SH3BP4: variants seen among roughly 807,000 people sequenced by gnomAD.
SH3BP4 encodes SH3 domain binding protein 4.
SH3BP4 carries 33 observed loss-of-function variants against 65.5 expected under a neutral mutation model. The ratio of observed to expected loss-of-function variants is 0.50; its 90% CI spans 0.38 to 0.67. The LOEUF is 0.67. Ranked by LOEUF, SH3BP4 falls within the 30% of genes least tolerant of loss-of-function variation. The probability of loss-of-function intolerance (pLI) is 0.00; values close to 1 mark genes in which losing one functional copy is unlikely to be tolerated. For synonymous variants in SH3BP4, 552 were observed against 545.5 expected, an observed-to-expected ratio of 1.01 and a Z score of -0.17; for missense variants, 1,134 against 1,261.4, an observed-to-expected ratio of 0.90 and a Z score of 1.53.
chr2:235,001,363 T>G (rs1171847866), intron 2 of SH3BP4, among the ~76,000 whole-genome samples: 1 of 152,168 alleles, frequency 6.6e-6, no homozygotes, highest in African/African-American at 2.4e-5. Flanking sequence ...GTTAACAACC[T>G]CTGAGCTGGA....
At chr2:235,021,877 G>T (rs867888831) in intron 2 of SH3BP4, among the ~76,000 whole-genome samples, 47 of 152,284 alleles carry the variant, frequency 3.1e-4, no homozygotes, top group Admixed American at 8.5e-4. Flanking sequence ...ACATGAGTCA[G>T]AAGGGGACAA....
intron 1 of SH3BP4, chr2:234,953,296 C>T (rs1692517901): frequency 6.6e-6 from 1 of 152,256 alleles, no homozygotes. Context: ...TTTTACCAGC[C>T]TTGTCACAGC....
intron 2 of SH3BP4, among the ~76,000 whole-genome samples, chr2:235,029,812 G>A (rs1313695647): frequency 2.0e-5 from 3 of 152,180 alleles, no homozygotes; most frequent in East Asian, 1.9e-4. Flanking sequence ...GCTCTGGGCC[G>A]TGGGCTCTGG....
chr2:235,002,147 C>T (rs1470016091), intron 2 of SH3BP4, among the ~76,000 whole-genome samples: 1 of 152,180 alleles, frequency 6.6e-6, no homozygotes, highest in Non-Finnish European at 1.5e-5. Flanking sequence ...CAGGTGTGAG[C>T]CACCATGCTG....
In SH3BP4 at chr2:235,041,748, G is replaced by A. The variant is rs777420999; in HGVS notation, c.979G>A (p.Gly327Arg). 12 of 1,606,884 alleles carry A rather than the reference G, an allele frequency of 7.5e-6. No homozygotes were observed. Among genetic ancestry groups the A allele is most frequent in the East Asian group, 2.2e-5 (1 of 44,716 alleles). The change falls in exon 4 of 6, where the codon GGG becomes AGG. Residue 327 changes from glycine (G) to arginine (R), a missense_variant. Coordinates refer to ENST00000392011, the MANE Select transcript of SH3BP4 (RefSeq NM_014521.3). The surrounding 1 kb of genome is among the most constrained non-coding windows in gnomAD (Gnocchi z 6.0). Reference protein sequence around the residue: ...TNIVCKLDSSGGAVQLPDTSI... With the variant: ...TNIVCKLDSSRGAVQLPDTSI... ...CATCGTGTGCAAGCTGGATAGCTCCGGGGGTGCTGTCCAGCTTCCTGACAC... is the reference window on the plus strand; with the variant it reads ...CATCGTGTGCAAGCTGGATAGCTCCAGGGGTGCTGTCCAGCTTCCTGACAC...
Position 234,962,304 on chromosome 2 carries a change from T to C in SH3BP4, c.-207+10134T>C, listed in dbSNP as rs1574773422. ...GGTGCATGCCACCACGCTCGGGTAA[T>C]TTTTGTATTTGTAGTAGAGATGGGG... On this transcript the variant is annotated intron_variant, in intron 1 of 5. Transcript: ENST00000392011. Among the ~76,000 whole-genome samples the C allele has an allele frequency of 5.3e-5, 8 of 151,980 alleles. 2 individuals carry two copies. The highest frequency in any genetic ancestry group is 5.2e-4 in the Admixed American group (8 of 15,274).
rs1438546366 is a variant in SH3BP4, at chr2:235,054,048, T to C, written c.*232T>C. The C allele has an allele frequency of 8.5e-6, 4 of 469,024 alleles. No individual in the cohort carries two copies. The highest frequency in any genetic ancestry group is 1.5e-5 in the Non-Finnish European group (4 of 264,646). The allele number at this position is 469,024 out of a possible 1,614,324, so 29.1% of individuals were successfully genotyped here. On this transcript the variant is annotated 3_prime_UTR_variant, in exon 6 of 6. Coordinates refer to ENST00000392011, the MANE Select transcript of SH3BP4 (RefSeq NM_014521.3). ...CACATAGCTTTCTATTTGTTAAGTATAAATTTAAATTTAAAATCACTTTTT... is the reference window on the plus strand; with the variant it reads ...CACATAGCTTTCTATTTGTTAAGTACAAATTTAAATTTAAAATCACTTTTT...
At chr2:235,029,597 G>A (rs1695112756) in intron 2 of SH3BP4, among the ~76,000 whole-genome samples, 1 of 149,848 alleles carries the variant, frequency 6.7e-6, no homozygotes, top group African/African-American at 2.5e-5. Context: ...GGTAGCTAAT[G>A]TATGTTTCCT....
Position 235,042,061 on chromosome 2 carries a change from A to G in SH3BP4, c.1292A>G (p.Asn431Ser), listed in dbSNP as rs201491979. 613 of 1,613,904 alleles carry G rather than the reference A, an allele frequency of 3.8e-4. No homozygotes were observed. Among genetic ancestry groups the G allele is most frequent in the Non-Finnish European group, 5.0e-4 (593 of 1,180,034 alleles). Residue 431 changes from asparagine to serine, a missense_variant, in exon 4 of 6, where the codon AAC (asparagine) becomes AGC (serine). Coordinates refer to ENST00000392011, the MANE Select transcript of SH3BP4 (RefSeq NM_014521.3). This position sits in a 1 kb window ranked among gnomAD's most constrained non-coding sequence, Gnocchi z 7.3. ...KEGPYVSVPL[N>S]CSCGDTVQAQ... ...GGGCCATATGTCTCCGTCCCGCTCAACTGCAGCTGTGGGGACACGGTCCAG... is the reference window on the plus strand; with the variant it reads ...GGGCCATATGTCTCCGTCCCGCTCAGCTGCAGCTGTGGGGACACGGTCCAG...
chr2:234,961,699 G>C (rs1692718803), intron 1 of SH3BP4, among the ~76,000 whole-genome samples: 1 of 152,206 alleles, frequency 6.6e-6, no homozygotes, highest in Non-Finnish European at 1.5e-5. Flanking sequence ...TGATGTTCCA[G>C]CATCTGAGTT....
chr2:235,020,318 A>G (rs746118006), intron 2 of SH3BP4, among the ~76,000 whole-genome samples: 18 of 152,192 alleles, frequency 1.2e-4, no homozygotes, highest in Non-Finnish European at 2.2e-4. Context: ...CAGCATGGTG[A>G]AACCCTGTCT....
At position 235,052,522 on chromosome 2, in the gene SH3BP4, TC is replaced by T; in HGVS notation, c.2479-37del. 1 of 1,481,236 alleles carries T rather than the reference TC, an allele frequency of 6.8e-7. No homozygotes were observed. 91.8% of individuals were successfully genotyped at this position (1,481,236 alleles called of 1,614,324 possible). A position where few individuals can be genotyped will look rare whatever the true frequency, so the allele number is the denominator to read the frequency against. On this transcript the variant is annotated intron_variant, in intron 4 of 5. Coordinates refer to ENST00000392011, the MANE Select transcript of SH3BP4 (RefSeq NM_014521.3). The surrounding 1 kb of genome is among the most constrained non-coding windows in gnomAD (Gnocchi z 5.0). ...CTGCGGGGAGCAGAGCCTGCCCCAC[TC>T]CCTACACTGTCTCACGCTGTGTGCC...
At chr2:235,004,060 G>C (rs888586760) in intron 2 of SH3BP4, among the ~76,000 whole-genome samples, 2 of 152,214 alleles carry the variant, frequency 1.3e-5, no homozygotes, top group Non-Finnish European at 1.5e-5. Flanking sequence ...GGCTTCCCCT[G>C]TTGGTGGCGT....
intron 1 of SH3BP4, among the ~76,000 whole-genome samples, chr2:234,990,453 C>T (rs1408882853): frequency 2.0e-5 from 3 of 152,230 alleles, no homozygotes; most frequent in Admixed American, 6.5e-5. Flanking sequence ...GAATGTGTCC[C>T]ATAACTAAGT....
chr2:234,996,443 T>C (rs926444049), intron 2 of SH3BP4, among the ~76,000 whole-genome samples: 2 of 152,210 alleles, frequency 1.3e-5, no homozygotes, highest in Admixed American at 1.3e-4. Context: ...AGGTTTGAGA[T>C]GTTCAGGAGG....
At chr2:235,038,343 A>ATAG in intron 3 of SH3BP4, among the ~76,000 whole-genome samples, 1 of 1,372 alleles carries the variant, frequency 7.3e-4, no homozygotes. Context: ...TATATAGTAT[A>ATAG]TATATTTTAT....
intron 2 of SH3BP4, among the ~76,000 whole-genome samples, chr2:235,021,180 C>G (rs1323500670): frequency 6.6e-6 from 1 of 152,018 alleles, no homozygotes; most frequent in Non-Finnish European, 1.5e-5. Context: ...CAATGGGGAC[C>G]CAACCACATT....
rs760669019 is a variant in SH3BP4, at chr2:235,052,640, G to T, written c.2557G>T (p.Val853Leu). 1 of 1,580,272 alleles carries T rather than the reference G, an allele frequency of 6.3e-7. No individual in the cohort carries two copies. ...TGTGCTCCTGACCACGGCTGTAGAG[G>T]TGGCCCAGCGCTGGCGGGAGCTGGC... ...DFVLLTTAVEVAQRWRELAEK... is the reference protein window; with the variant it reads ...DFVLLTTAVELAQRWRELAEK... Residue 853 changes from valine to leucine, a missense_variant, in exon 5 of 6, where the codon GTG becomes TTG. Physicochemically the swap from Val to Leu is conservative, Grantham distance 32 (BLOSUM62 1). Transcript: ENST00000392011. The surrounding 1 kb of genome is among the most constrained non-coding windows in gnomAD (Gnocchi z 5.0).
rs897919672 is a variant in SH3BP4, at chr2:235,035,887, G to A, written c.118+767G>A. 2.0e-5 allele frequency among the ~76,000 whole-genome samples: 3 copies of A among 152,168 alleles called. No individual in the cohort carries two copies. The highest frequency in any genetic ancestry group is 7.2e-5 in the African/African-American group (3 of 41,432). On this transcript the variant is annotated intron_variant, in intron 3 of 5. Transcript: ENST00000392011. The surrounding 1 kb of genome is among the most constrained non-coding windows in gnomAD (Gnocchi z 5.0). ...CTCTCACATGCTCCTTTGGGGCTTG[G>A]CAGTTGCGGTGACAGCACCATCATC...
Sources: gnomAD v4.1 joint callset for allele counts (sites outside exome capture counted in the v4.1 genomes callset) on GRCh38, gnomAD v4.1.1 for gene constraint, Gnocchi (gnomAD v3.1) non-coding constraint, MANE v1.5 for transcripts, NCBI Gene and HGNC (gene_info 2026-07-23, HGNC 2026-07-21) for gene names.